Variants in TMEM92 observed in about 807,000 individuals in gnomAD.
TMEM92 encodes transmembrane protein 92.
In TMEM92, 15 loss-of-function variants were observed where a neutral mutation model predicts 14.6. The observed-to-expected ratio is 1.03, with a 90% confidence interval of 0.69 to 1.58. The LOEUF (loss-of-function observed/expected upper bound fraction) is 1.58. Among genes scored for constraint, TMEM92 ranks in the 40% most tolerant of loss-of-function variants. TMEM92 has a pLI of 0.00. For missense variants in TMEM92, 174 were observed against 202.4 expected, an observed-to-expected ratio of 0.86 and a Z score of 0.85; for synonymous variants, 85 against 83.3, an observed-to-expected ratio of 1.02 and a Z score of -0.11.
rs555651363 is a variant in TMEM92, at chr17:50,279,671, A to T, written c.*363A>T. On this transcript the variant is annotated 3_prime_UTR_variant, in exon 5 of 5. Coordinates refer to ENST00000507382, the MANE Select transcript of TMEM92 (RefSeq NM_153229.3). ...GGACAGCCAGCTCTGAGATTTTATC[A>T]GGGCACTTCTATACCTGTGGGACAT... is the stretch of plus-strand genomic sequence containing the variant. 7 of 308,394 alleles carry T rather than the reference A, an allele frequency of 2.3e-5. No homozygotes were observed. Among genetic ancestry groups the T allele is most frequent in the Non-Finnish European group, 4.3e-5 (7 of 161,422 alleles). 19.1% of individuals were successfully genotyped at this position (308,394 alleles called of 1,614,324 possible).
At position 50,278,558 on chromosome 17, in the gene TMEM92, C is replaced by A; in HGVS notation, c.98C>A (p.Ala33Asp). The part of the protein sequence containing the change: ...KIAAKCGLIL[A>D]CPKGFKCCGD... ...CCTTTTCTGTGCCCTCTGACCAGTG[C>A]CTGCCCCAAAGGATTCAAATGCTGT... is the stretch of plus-strand genomic sequence containing the variant. Residue 33 changes from alanine (A) to aspartate (D), a missense_variant and splice_region_variant, in exon 3 of 5, where the codon GCC becomes GAC. By Grantham distance (126) the Ala-to-Asp change is moderately radical (BLOSUM62 -2). Coordinates refer to ENST00000507382, the MANE Select transcript of TMEM92 (RefSeq NM_153229.3). 1 of 1,614,022 alleles carries A rather than the reference C, an allele frequency of 6.2e-7. No individual in the cohort carries two copies. The highest frequency in any genetic ancestry group is 8.5e-7 in the Non-Finnish European group (1 of 1,179,968).
At chr17:50,279,121 A>AT in intron 4 of TMEM92, 74 bp from the exon 5 acceptor site, 1 of 1,516,144 alleles carries the variant, frequency 6.6e-7, no homozygotes, top group Non-Finnish European at 9.2e-7. Flanking sequence ...CCTGGTAACC[A>AT]TGCCTCAGCT....
In TMEM92 at chr17:50,279,271, C is replaced by G; in HGVS notation, c.443C>G (p.Thr148Ser). Residue 148 changes from threonine to serine, a missense_variant, in exon 5 of 5, where the codon ACC (threonine) becomes AGC (serine). Coordinates refer to ENST00000507382, the MANE Select transcript of TMEM92 (RefSeq NM_153229.3). ...PPYSFRPEEY[T>S]GDQRGIDNPA... ...TACAGCTTCAGGCCTGAAGAATATA[C>G]CGGGGATCAGAGGGGCATTGACAAC... 6.2e-7 allele frequency: 1 copy of G among 1,613,784 alleles called. No individual in the cohort carries two copies. Among genetic ancestry groups the G allele is most frequent in the Non-Finnish European group, 8.5e-7 (1 of 1,179,880 alleles).
chr17:50,272,150 A>G (rs1801739538), upstream of TMEM92, among the ~76,000 whole-genome samples: 1 of 151,980 alleles, frequency 6.6e-6, no homozygotes, highest in Admixed American at 6.6e-5. Flanking sequence ...GGTTGATGCC[A>G]GAGACCCAGA....
intron 3 of TMEM92, 40 bp downstream of exon 3, chr17:50,278,670 G>A: frequency 6.2e-7 from 1 of 1,607,166 alleles, no homozygotes; most frequent in Non-Finnish European, 8.5e-7. Flanking sequence ...AGTCCTTGGA[G>A]GGGCCTGGTC....
chr17:50,274,540 G>A lies in TMEM92; in HGVS notation c.39G>A (p.Leu13=). ...QAWVPGLAPT[L]LFSLLAGPQK... ...GGGTCCCCGGCCTCGCGCCCACCTT[G>A]CTGTTCAGCCTGCTGGCTGGCCCCC... is the stretch of plus-strand genomic sequence containing the variant. The change falls in exon 1 of 5, where the codon TTG becomes TTA. Residue 13 remains leucine, a synonymous_variant. Transcript: ENST00000507382. 1 of 1,613,978 alleles carries A rather than the reference G, an allele frequency of 6.2e-7. No homozygotes were observed. The highest frequency in any genetic ancestry group is 1.3e-5 in the African/African-American group (1 of 75,066).
In TMEM92 at chr17:50,278,806, T is replaced by C; in HGVS notation, c.176T>C (p.Phe59Ser). 1 of 1,609,836 alleles carries C rather than the reference T, an allele frequency of 6.2e-7. No individual in the cohort carries two copies. The highest frequency in any genetic ancestry group is 8.5e-7 in the Non-Finnish European group (1 of 1,178,136). Residue 59 changes from phenylalanine to serine, a missense_variant, in exon 4 of 5, where the codon TTC becomes TCC. Transcript: ENST00000507382. The part of the protein sequence containing the change: ...NELFPGPVRI[F>S]VIIFLVILSV... ...CTTGGTGGTCCCCACCCCAGGATCTTCGTCATCATCTTCCTGGTCATCCTG... is the reference window on the plus strand; with the variant it reads ...CTTGGTGGTCCCCACCCCAGGATCTCCGTCATCATCTTCCTGGTCATCCTG...
rs1481508951 is a variant in TMEM92, at chr17:50,277,753, G to T, written c.95+13G>T. The T allele has an allele frequency of 6.2e-7, 1 of 1,613,798 alleles. No individual in the cohort carries two copies. The highest frequency in any genetic ancestry group is 1.7e-5 in the Admixed American group (1 of 59,992). On this transcript the variant is annotated intron_variant, in intron 2 of 4. Coordinates refer to ENST00000507382, the MANE Select transcript of TMEM92 (RefSeq NM_153229.3). ...GTGGTCTCATCCTGTAAGTCTAGAG[G>T]CCATAACTTCCAATCTGGGGAGCGG...
chr17:50,279,257 G>T lies in TMEM92; in HGVS notation c.429G>T (p.Arg143Ser), dbSNP rs1179514406. The change falls in exon 5 of 5, where the codon AGG (arginine) becomes AGT (serine). Residue 143 changes from arginine to serine, a missense_variant. By Grantham distance (110) the Arg-to-Ser change is moderately radical. Transcript: ENST00000507382. Reference sequence around the variant, plus strand: ...AGCCACCCCCTCCCTACAGCTTCAGGCCTGAAGAATATACCGGGGATCAGA... The same window carrying T: ...AGCCACCCCCTCCCTACAGCTTCAGTCCTGAAGAATATACCGGGGATCAGA... ...PTEPPPPYSF[R>S]PEEYTGDQRG... 6.2e-7 allele frequency: 1 copy of T among 1,613,740 alleles called. No individual in the cohort carries two copies. Among genetic ancestry groups the T allele is most frequent in the Non-Finnish European group, 8.5e-7 (1 of 1,179,890 alleles).
chr17:50,276,523 T>TATAAAG (rs2143046183), intron 1 of TMEM92, among the ~76,000 whole-genome samples: 1 of 152,288 alleles, frequency 6.6e-6, no homozygotes, highest in Admixed American at 6.5e-5. Context: ...TTTATAAAGG[T>TATAAAG]ATAAAGATAA....
In TMEM92 at chr17:50,281,242, A is replaced by G. The variant is rs939246550; in HGVS notation, c.*1934A>G. 3 of 152,184 alleles carry G rather than the reference A, an allele frequency of 2.0e-5. No individual in the cohort carries two copies. Among genetic ancestry groups the G allele is most frequent in the Admixed American group, 2.0e-4 (3 of 15,274 alleles). 9.4% of individuals were successfully genotyped at this position (152,184 alleles called of 1,614,324 possible). ...AATGGTGTCACCTTTCTAGAGGGCC[A>G]TCTGGCACCATGTAATCACGCCACA... On this transcript the variant is annotated 3_prime_UTR_variant, in exon 5 of 5. Transcript: ENST00000507382.
intron 2 of TMEM92, 29 bp from the exon 3 acceptor site, chr17:50,278,524 TCTC>T: frequency 1.2e-6 from 2 of 1,612,140 alleles, no homozygotes; most frequent in Non-Finnish European, 1.7e-6. Flanking sequence ...GCCAGCAACT[TCTC>T]CTTGCCCTTT....
intron 1 of TMEM92, among the ~76,000 whole-genome samples, chr17:50,276,777 A>G (rs1397754774): frequency 1.3e-5 from 2 of 152,262 alleles, no homozygotes; most frequent in Non-Finnish European, 2.9e-5. Flanking sequence ...ATGCAGCAAA[A>G]ATCCCTGCCC....
intron 2 of TMEM92, 138 bp downstream of exon 2, chr17:50,277,878 C>A (rs73987471): frequency 3.6e-5 from 41 of 1,132,158 alleles, no homozygotes; most frequent in Admixed American, 6.2e-5. Flanking sequence ...ACTGTCCCCC[C>A]ACTTTCCCAG....
chr17:50,279,136 T>A, intron 4 of TMEM92, 59 bp from the exon 5 acceptor site: 1 of 1,550,354 alleles, frequency 6.5e-7, no homozygotes, highest in Non-Finnish European at 8.9e-7. Context: ...TCAGCTGGGA[T>A]GGGGGAGTGG....
At chr17:50,274,687 A>C (rs926536375) in intron 1 of TMEM92, 117 bp downstream of exon 1, 4 of 881,016 alleles carry the variant, frequency 4.5e-6, no homozygotes, top group Admixed American at 5.1e-5. Flanking sequence ...GACCACACAC[A>C]GTTAGCTACT....
upstream of TMEM92, among the ~76,000 whole-genome samples, chr17:50,272,403 CA>C (rs2143031510): frequency 6.6e-6 from 1 of 152,288 alleles, no homozygotes; most frequent in Non-Finnish European, 1.5e-5. Context: ...GGCAGGATAG[CA>C]GGGAGTGTGG....
Position 50,279,367 on chromosome 17 carries a change from A to G in TMEM92, c.*59A>G, listed in dbSNP as rs141455344. 1,739 of 1,408,550 alleles carry G rather than the reference A, an allele frequency of 1.2e-3. 21 individuals are homozygous for G. The African/African-American group carries it at 0.023, about 18-fold the overall frequency. 87.3% of individuals were successfully genotyped at this position (1,408,550 alleles called of 1,614,324 possible). A position where few individuals can be genotyped will look rare whatever the true frequency, so the allele number is the denominator to read the frequency against. ...CCTCCTCCCCAGTGCCTCCTGGATC[A>G]AGCTAGAGACTGCTGGCACCCCAGG... On this transcript the variant is annotated 3_prime_UTR_variant, in exon 5 of 5. Coordinates refer to ENST00000507382, the MANE Select transcript of TMEM92 (RefSeq NM_153229.3).
chr17:50,276,649 G>A (rs144920182), intron 1 of TMEM92, among the ~76,000 whole-genome samples: 2 of 152,246 alleles, frequency 1.3e-5, no homozygotes, highest in Admixed American at 6.5e-5. Context: ...CCTATGTTCT[G>A]GCACCTACAT....
Sources: allele counts gnomAD v4.1 joint callset (sites outside exome capture counted in the v4.1 genomes callset), GRCh38; gene constraint gnomAD v4.1.1; transcripts MANE v1.5; gene names NCBI Gene and HGNC (gene_info 2026-07-23, HGNC 2026-07-21).